Variants in SEM1 observed in about 807,000 individuals in gnomAD.
SEM1 encodes the protein SEM1 26S proteasome subunit.
In SEM1, 3 loss-of-function variants were observed where a neutral mutation model predicts 12.7. The observed-to-expected ratio is 0.24, with a 90% CI of 0.11 to 0.61. SEM1 has a LOEUF of 0.61. SEM1 is among the 20% of genes least tolerant of loss of function. The pLI, the probability that SEM1 is intolerant of heterozygous loss-of-function variation, is 0.88. For missense variants in SEM1, 59 were observed against 81.3 expected (o/e 0.73, Z 1.06); for synonymous variants, 30 against 27.8 (o/e 1.08, Z -0.25).
At chr7:96,622,194 A>G (rs572047557), downstream of SEM1, 151 of 159,570 alleles carry the variant, frequency 9.5e-4, no homozygotes, top group Middle Eastern at 6.3e-3. Context: ...GCCTTCTAGT[A>G]AAGGCCTTTG....
chr7:96,589,128 G>T lies in SEM1; in HGVS notation c.171-82430C>A, dbSNP rs139393446. On this transcript the variant is annotated intron_variant and NMD_transcript_variant, in intron 2 of 3. Transcript: ENST00000466986. ...GGAACCGCACTGCTTAGGGCTTGTG[G>T]CTGAGAGGCCTGTTGACCTGGTCTC... Among the ~76,000 whole-genome samples, 110 of 152,302 alleles carry T rather than the reference G, an allele frequency of 7.2e-4. 1 individual carries two copies. Among genetic ancestry groups the T allele is most frequent in the African/African-American group, 2.4e-3 (101 of 41,578 alleles).
At chr7:96,707,840 T>C (rs543777290) in intron 1 of SEM1, among the ~76,000 whole-genome samples, 9 of 152,358 alleles carry the variant, frequency 5.9e-5, no homozygotes, top group African/African-American at 2.2e-4. Flanking sequence ...TAACTACTCA[T>C]TTTAAATGCG....
chr7:96,645,439 A>G (rs1808754608), intron 2 of SEM1: 1 of 241,748 alleles, frequency 4.1e-6, no homozygotes, highest in Non-Finnish European at 7.9e-6. Context: ...CCAAGGAGGA[A>G]AAACTTGGAC....
At chr7:96,549,745 A>G (rs1217209593) in intron 2 of SEM1, among the ~76,000 whole-genome samples, 1 of 152,180 alleles carries the variant, frequency 6.6e-6, no homozygotes, top group Non-Finnish European at 1.5e-5. Flanking sequence ...TGCCATTTCC[A>G]AATGTTCTTA....
intron 2 of SEM1, among the ~76,000 whole-genome samples, chr7:96,624,911 C>T (rs1369837836): frequency 6.6e-6 from 1 of 152,122 alleles, no homozygotes; most frequent in Non-Finnish European, 1.5e-5. Flanking sequence ...TATTGCTCAG[C>T]CCATTTCTTA....
intron 2 of SEM1, among the ~76,000 whole-genome samples, chr7:96,572,300 T>C (rs1307802847): frequency 6.6e-6 from 1 of 152,192 alleles, no homozygotes; most frequent in Non-Finnish European, 1.5e-5. Flanking sequence ...GCTCTGATCT[T>C]AGTTATTTCT....
At chr7:96,486,734 A>T (rs1316150423) in intron 1 of SEM1, among the ~76,000 whole-genome samples, 1 of 152,174 alleles carries the variant, frequency 6.6e-6, no homozygotes, top group Non-Finnish European at 1.5e-5. Context: ...TAGCCTTTGA[A>T]ATAAAAAGCT....
At chr7:96,601,331 C>G (rs996108315) in intron 2 of SEM1, among the ~76,000 whole-genome samples, 4 of 151,902 alleles carry the variant, frequency 2.6e-5, no homozygotes, top group African/African-American at 9.7e-5. Context: ...GAAGTGAGTG[C>G]TAAGAAAAAA....
intron 2 of SEM1, among the ~76,000 whole-genome samples, chr7:96,525,962 C>T (rs1804451530): frequency 6.6e-6 from 1 of 152,032 alleles, no homozygotes; most frequent in Non-Finnish European, 1.5e-5. Context: ...AGGTTGGGGA[C>T]CACTGCTGTA....
intron 2 of SEM1, among the ~76,000 whole-genome samples, chr7:96,609,516 A>G (rs1807480580): frequency 1.3e-5 from 2 of 152,238 alleles, no homozygotes; most frequent in South Asian, 4.1e-4. Flanking sequence ...ACTGAGGCCC[A>G]GAGAAGTTAG....
At chr7:96,677,927 T>C (rs1474667767) in intron 2 of SEM1, among the ~76,000 whole-genome samples, 1 of 152,174 alleles carries the variant, frequency 6.6e-6, no homozygotes, top group Admixed American at 6.6e-5. Context: ...CCAGGAGCAA[T>C]CTACTTAACT....
rs539698179 is a variant in SEM1 at position 96,657,701 on chromosome 7, G to T, written c.171-35058C>A. On this transcript the variant is annotated intron_variant, in intron 2 of 2. Transcript: ENST00000417009. ...AAGTCACAATATCTAGGTATTTCAT[G>T]CAGGGAAGTTGAGTCACTCACAAAA... 2.0e-5 allele frequency among the ~76,000 whole-genome samples: 3 copies of T among 152,316 alleles called. No individual in the cohort carries two copies. In the South Asian group the frequency reaches 6.2e-4, roughly 32 times the overall value.
intron 3 of SEM1, among the ~76,000 whole-genome samples, chr7:96,484,588 A>G (rs1283666725): frequency 6.6e-6 from 1 of 152,154 alleles, no homozygotes; most frequent in Non-Finnish European, 1.5e-5. Flanking sequence ...TCCACTGGAA[A>G]GTGTAAACAC....
chr7:96,642,641 A>C (rs2116397553), intron 2 of SEM1, among the ~76,000 whole-genome samples: 1 of 152,012 alleles, frequency 6.6e-6, no homozygotes, highest in Admixed American at 6.6e-5. Context: ...ATCCTACTAA[A>C]TAATTATTTC....
chr7:96,693,798 A>G (rs1274707762), intron 2 of SEM1, among the ~76,000 whole-genome samples: 10 of 124,654 alleles, frequency 8.0e-5, no homozygotes, highest in East Asian at 4.9e-4. Flanking sequence ...GTGTATATAT[A>G]TATATATAAA....
intron 2 of SEM1, among the ~76,000 whole-genome samples, chr7:96,613,945 C>T (rs1230450586): frequency 6.6e-6 from 1 of 152,140 alleles, no homozygotes; most frequent in Non-Finnish European, 1.5e-5. Flanking sequence ...TCCATTTGTC[C>T]ATCAATGGGC....
At chr7:96,686,324 A>G (rs1048268543), downstream of SEM1, among the ~76,000 whole-genome samples, 14 of 152,108 alleles carry the variant, frequency 9.2e-5, no homozygotes, top group African/African-American at 3.4e-4. Context: ...TACTACCTAA[A>G]TTTTGATATT....
intron 1 of SEM1, chr7:96,695,222 C>T (rs139520556): frequency 7.1e-4 from 130 of 182,884 alleles, no homozygotes; most frequent in African/African-American, 2.7e-3. Context: ...CACCAACAAC[C>T]CTAAAGCAAG....
intron 2 of SEM1, among the ~76,000 whole-genome samples, chr7:96,547,603 T>C (rs951293230): frequency 3.9e-5 from 6 of 152,284 alleles, no homozygotes; most frequent in Admixed American, 3.9e-4. Context: ...TGTCGTTTTT[T>C]ATAACTGTTT....
Sources: allele counts gnomAD v4.1 joint callset (sites outside exome capture counted in the v4.1 genomes callset), GRCh38; gene constraint gnomAD v4.1.1; transcripts MANE v1.5; gene names NCBI Gene and HGNC (gene_info 2026-07-23, HGNC 2026-07-21).